Variants in NPDC1 observed in about 807,000 individuals in gnomAD.
NPDC1 encodes the protein neural proliferation, differentiation and control 1.
In NPDC1, 18 loss-of-function variants were observed where a neutral mutation model predicts 32.5. The observed-to-expected ratio is 0.55, with a 90% CI of 0.38 to 0.82. NPDC1 has a LOEUF of 0.82. Ranked by LOEUF, NPDC1 falls within the 40% of genes least tolerant of loss-of-function variation. The probability of loss-of-function intolerance (pLI) is 0.00; values close to 1 mark genes in which losing one functional copy is unlikely to be tolerated. For missense variants in NPDC1, 468 were observed against 406.6 expected, an observed-to-expected ratio of 1.15 and a Z score of -1.30; for synonymous variants, 210 against 184.7, an observed-to-expected ratio of 1.14 and a Z score of -1.11.
chr9:137,041,873 C>T (rs1366315646), intron 2 of NPDC1, among the ~76,000 whole-genome samples: 4 of 152,368 alleles, frequency 2.6e-5, no homozygotes, highest in East Asian at 3.9e-4. Flanking sequence ...GGCTGGCGAG[C>T]GGGGCATCCC....
At chr9:137,041,245 C>G (rs1832047508) in intron 2 of NPDC1, 58 bp from the exon 3 acceptor site, 2 of 1,345,618 alleles carry the variant, frequency 1.5e-6, no homozygotes, top group Non-Finnish European at 1.9e-6. Flanking sequence ...AGCCCCAGGC[C>G]CGGCCTCCCC....
rs1027172380 is a variant in NPDC1, at chr9:137,046,161, C to T, written c.-172G>A. 2 of 1,099,400 alleles carry T rather than the reference C, an allele frequency of 1.8e-6. No homozygotes were observed. Among genetic ancestry groups the T allele is most frequent in the Non-Finnish European group, 2.2e-6 (2 of 902,888 alleles). The allele number at this position is 1,099,400 out of a possible 1,614,324, so 68.1% of individuals were successfully genotyped here. ...GGAAAGGCACGGGCGGCGGCGCTGACGCTGCAGCAAGGATCCGGGATGGAG... is the reference window on the plus strand; with the variant it reads ...GGAAAGGCACGGGCGGCGGCGCTGATGCTGCAGCAAGGATCCGGGATGGAG... On this transcript the variant is annotated 5_prime_UTR_variant, in exon 1 of 9. Transcript: ENST00000371601.
At position 137,046,177 on chromosome 9, in the gene NPDC1, C is replaced by T. The variant is rs1460490635; in HGVS notation, c.-188G>A. The T allele has an allele frequency of 9.1e-7, 1 of 1,097,682 alleles. No individual in the cohort carries two copies. Among genetic ancestry groups the T allele is most frequent in the Non-Finnish European group, 1.1e-6 (1 of 901,764 alleles). 68.0% of individuals were successfully genotyped at this position (1,097,682 alleles called of 1,614,324 possible). On this transcript the variant is annotated 5_prime_UTR_variant, in exon 1 of 9. Transcript: ENST00000371601. ...CGGCGCTGACGCTGCAGCAAGGATC[C>T]GGGATGGAGGCGCCGGCGAGGCGCG...
At chr9:137,044,311 C>T (rs996395111) in intron 1 of NPDC1, among the ~76,000 whole-genome samples, 7 of 152,214 alleles carry the variant, frequency 4.6e-5, no homozygotes, top group African/African-American at 1.4e-4. Flanking sequence ...ATCAGTGGGC[C>T]GGGACTTGGG....
rs373697925 is a variant in NPDC1, at chr9:137,041,223, C to T, written c.260-36G>A. The T allele has an allele frequency of 6.0e-5, 84 of 1,396,498 alleles. No homozygotes were observed. The African/African-American group carries it at 8.1e-4, about 14-fold the overall frequency. The allele number at this position is 1,396,498 out of a possible 1,614,324, so 86.5% of individuals were successfully genotyped here. ...TGAGGGGCCATCAGGTGGAGGGGTC[C>T]GTCCAGGAGGTAGCCCCAGGCCCGG... On this transcript the variant is annotated intron_variant, in intron 2 of 8. Transcript: ENST00000371601.
chr9:137,043,355 G>A (rs1349792704), intron 1 of NPDC1: 3 of 716,780 alleles, frequency 4.2e-6, no homozygotes, highest in African/African-American at 1.7e-5. Context: ...TCGCCGTCCA[G>A]GCAGTGCTGA....
Position 137,040,061 on chromosome 9 carries a change from T to C in NPDC1, c.795A>G (p.Lys265=), listed in dbSNP as rs750189835. ...CCGTGTCCAGCTCCTTGGGTGGCTC[T>C]TTATGCCTGGGTGGGGGGGGATCGC... ...RQQMLCLERH[K]EPPKELDTAS... is the part of the protein sequence containing the mutation. The change falls in exon 8 of 9, where the codon AAA becomes AAG. Residue 265 remains lysine (K), a synonymous_variant. Coordinates refer to ENST00000371601, the MANE Select transcript of NPDC1 (RefSeq NM_015392.4). The C allele has an allele frequency of 3.9e-6, 3 of 778,062 alleles. No individual in the cohort carries two copies. In the East Asian group the frequency reaches 7.3e-5, roughly 19 times the overall value. The allele number at this position is 778,062 out of a possible 1,614,324, so 48.2% of individuals were successfully genotyped here.
Position 137,039,852 on chromosome 9 carries a change from C to T in NPDC1, c.898G>A (p.Glu300Lys). The T allele has an allele frequency of 1.3e-6, 1 of 779,412 alleles. No homozygotes were observed. The allele number at this position is 779,412 out of a possible 1,614,324, so 48.3% of individuals were successfully genotyped here. A position where few individuals can be genotyped will look rare whatever the true frequency, so the allele number is the denominator to read the frequency against. The part of the protein sequence containing the change: ...CPGLAPTGEM[E>K]VRNPLFDHAA... The stretch of plus-strand genomic sequence containing the variant: ...TGGTCGAACAGAGGGTTGCGCACCT[C>T]CATTTCCCCGGTCTGCGAATGTGGG... The change falls in exon 9 of 9, where the codon GAG becomes AAG. Residue 300 changes from glutamate (E) to lysine (K), a missense_variant. Transcript: ENST00000371601.
intron 1 of NPDC1, among the ~76,000 whole-genome samples, chr9:137,044,882 C>G (rs1235256317): frequency 6.6e-6 from 1 of 152,254 alleles, no homozygotes; most frequent in Non-Finnish European, 1.5e-5. Flanking sequence ...GGGCACTGAG[C>G]CCAGGAGGAA....
chr9:137,041,533 G>A (rs931790207), intron 2 of NPDC1, among the ~76,000 whole-genome samples: 2 of 152,196 alleles, frequency 1.3e-5, no homozygotes, highest in African/African-American at 2.4e-5. Flanking sequence ...TCGGGTAGAG[G>A]GGCAGGGACT....
Position 137,042,950 on chromosome 9 carries a change from A to T in NPDC1, c.236T>A (p.Val79Glu). The T allele has an allele frequency of 6.2e-7, 1 of 1,604,918 alleles. No homozygotes were observed. Among genetic ancestry groups the T allele is most frequent in the Admixed American group, 1.7e-5 (1 of 59,038 alleles). The change falls in exon 2 of 9, where the codon GTG (valine) becomes GAG (glutamate). Residue 79 changes from valine (V) to glutamate (E), a missense_variant. Transcript: ENST00000371601. ...PFQEDQQGLCVPRMRRPPGGG... is the reference protein window; with the variant it reads ...PFQEDQQGLCEPRMRRPPGGG... ...ACCTGGAGGCCGGCGCATCCTGGGC[A>T]CACAGAGCCCTTGCTGGTCCTCCTG...
chr9:137,042,259 CTTT>C (rs1160185429), intron 2 of NPDC1, among the ~76,000 whole-genome samples: 2 of 146,546 alleles, frequency 1.4e-5, no homozygotes, highest in African/African-American at 2.5e-5. Context: ...CAGGCTGCTG[CTTT>C]TTTTTTTTTG....
In NPDC1 at chr9:137,042,123, C is replaced by T. The variant is rs1224702394; in HGVS notation, c.259+804G>A. On this transcript the variant is annotated intron_variant, in intron 2 of 8. Transcript: ENST00000371601. The stretch of plus-strand genomic sequence containing the variant: ...CCTGACTGCCCCAGGCCTGGGCCCA[C>T]CTCCATTTGGAAAGGATGGGAGGCT... 2.6e-5 allele frequency among the ~76,000 whole-genome samples: 4 copies of T among 152,340 alleles called. No individual in the cohort carries two copies. In the South Asian group the frequency reaches 8.3e-4, roughly 32 times the overall value.
rs950290926 is a variant in NPDC1, at chr9:137,042,920, C to G, written c.259+7G>C. On this transcript the variant is annotated splice_region_variant and intron_variant, in intron 2 of 8. Coordinates refer to ENST00000371601, the MANE Select transcript of NPDC1 (RefSeq NM_015392.4). The stretch of plus-strand genomic sequence containing the variant: ...CCCCCCATCGACTTCCCCCTTTGCT[C>G]TCGTACCTGGAGGCCGGCGCATCCT... 1.9e-6 allele frequency: 3 copies of G among 1,589,596 alleles called. No homozygotes were observed. The highest frequency in any genetic ancestry group is 2.6e-6 in the Non-Finnish European group (3 of 1,166,132).
In NPDC1 at chr9:137,039,986, G is replaced by A. The variant is rs1832021288; in HGVS notation, c.870C>T (p.Cys290=). Residue 290 remains cysteine (C), a synonymous_variant, in exon 8 of 9, where the codon TGC becomes TGT. Transcript: ENST00000371601. ...NEDGDFTVYE[C]PGLAPTGEME... is the part of the protein sequence containing the mutation. Reference sequence around the variant, plus strand: ...AGGCACTCACCGGGGCCAGGCCCGGGCACTCGTACACCGTGAAGTCTCCGT... The same window carrying A: ...AGGCACTCACCGGGGCCAGGCCCGGACACTCGTACACCGTGAAGTCTCCGT... 1 of 778,960 alleles carries A rather than the reference G, an allele frequency of 1.3e-6. No individual in the cohort carries two copies. Among genetic ancestry groups the A allele is most frequent in the Admixed American group, 1.7e-5 (1 of 58,988 alleles). The allele number at this position is 778,960 out of a possible 1,614,324, so 48.3% of individuals were successfully genotyped here.
In NPDC1 at chr9:137,046,168, G is replaced by A. The variant is rs557430865; in HGVS notation, c.-179C>T. 2.7e-6 allele frequency: 3 copies of A among 1,099,788 alleles called. No individual in the cohort carries two copies. The highest frequency in any genetic ancestry group is 5.0e-5 in the East Asian group (1 of 20,050). 68.1% of individuals were successfully genotyped at this position (1,099,788 alleles called of 1,614,324 possible). A position where few individuals can be genotyped will look rare whatever the true frequency, so the allele number is the denominator to read the frequency against. ...CACGGGCGGCGGCGCTGACGCTGCA[G>A]CAAGGATCCGGGATGGAGGCGCCGG... On this transcript the variant is annotated 5_prime_UTR_variant, in exon 1 of 9. Transcript: ENST00000371601.
Position 137,044,515 on chromosome 9 carries a change from G to A in NPDC1, c.112+1363C>T, listed in dbSNP as rs186241941. Among the ~76,000 whole-genome samples the A allele has an allele frequency of 5.8e-3, 889 of 152,310 alleles. 7 individuals carry two copies. Among genetic ancestry groups the A allele is most frequent in the Admixed American group, 0.015 (232 of 15,300 alleles). On this transcript the variant is annotated intron_variant, in intron 1 of 8. Transcript: ENST00000371601. ...CTCCTAGCCCTTTTCCCCAGCCCAGGAGCCTCCATCCCCCACTTCCTCCTC... is the reference window on the plus strand; with the variant it reads ...CTCCTAGCCCTTTTCCCCAGCCCAGAAGCCTCCATCCCCCACTTCCTCCTC...
At chr9:137,043,925 CT>C (rs1362615260) in intron 1 of NPDC1, 1 of 156,106 alleles carries the variant, frequency 6.4e-6, no homozygotes, top group Non-Finnish European at 1.4e-5. Context: ...TCAGTTTCCC[CT>C]CTGGGATATA....
chr9:137,043,373 T>C (rs935190671), intron 1 of NPDC1: 44 of 710,768 alleles, frequency 6.2e-5, no homozygotes, highest in Admixed American at 3.4e-4. Context: ...TGAGTTCTCC[T>C]GGGCAGGGCC....
Sources: gnomAD v4.1 joint callset for allele counts (sites outside exome capture counted in the v4.1 genomes callset) on GRCh38, gnomAD v4.1.1 for gene constraint, MANE v1.5 for transcripts, NCBI Gene and HGNC (gene_info 2026-07-23, HGNC 2026-07-21) for gene names.